The following LSP1 variants were observed in gnomAD, a reference collection of about 807,000 sequenced individuals.
LSP1 encodes lymphocyte specific protein 1.
Under a neutral mutation model 49.3 loss-of-function variants are expected in LSP1, and 32 were observed. The observed-to-expected ratio is 0.65, with a 90% confidence interval of 0.49 to 0.87. LSP1 has a LOEUF of 0.87. LSP1 is among the 40% of genes least tolerant of loss of function. The pLI is 0.00. For synonymous variants in LSP1, 179 were observed against 178.8 expected (o/e 1.00, Z -0.01); for missense variants, 428 against 442.6 (o/e 0.97, Z 0.30).
At chr11:1,882,598 C>T (rs1303040158) in intron 3 of LSP1, among the ~76,000 whole-genome samples, 2 of 152,110 alleles carry the variant, frequency 1.3e-5, no homozygotes, top group African/African-American at 2.4e-5. Context: ...CAGGCCTAGG[C>T]GGGCGAGGCT....
At chr11:1,877,039 A>G (rs1187837620) in intron 1 of LSP1, among the ~76,000 whole-genome samples, 1 of 152,196 alleles carries the variant, frequency 6.6e-6, no homozygotes, top group Non-Finnish European at 1.5e-5. Context: ...GTGCAGGAAC[A>G]CCAAATCCCT....
At chr11:1,889,478 G>T (rs1292832344) in intron 10 of LSP1, 1 of 619,416 alleles carries the variant, frequency 1.6e-6, no homozygotes, top group Non-Finnish European at 3.0e-6. Context: ...CTGTGGGGGT[G>T]GGCACCTCTG....
rs556007411 is a variant in LSP1, at chr11:1,858,505, G to A, written c.53+5308G>A. Among the ~76,000 whole-genome samples the A allele has an allele frequency of 4.9e-4, 75 of 152,242 alleles. 1 individual carries two copies. Among genetic ancestry groups the A allele is most frequent in the African/African-American group, 1.8e-3 (73 of 41,546 alleles). On this transcript the variant is annotated intron_variant, in intron 1 of 10. Coordinates refer to ENST00000311604, the MANE Select transcript of LSP1 (RefSeq NM_002339.3). ...CCCAGCCCTCAGCATCTTTTTGGGG[G>A]CCACTAAAGACCTTCTGGGAGATGG...
At chr11:1,867,015 C>T in intron 1 of LSP1, 1 of 1,183,548 alleles carries the variant, frequency 8.4e-7, no homozygotes, top group Non-Finnish European at 1.2e-6. Context: ...TGGGCCCAGG[C>T]TCAGGGCCAG....
chr11:1,870,780 C>G (rs993574455), intron 1 of LSP1: 3 of 989,690 alleles, frequency 3.0e-6, no homozygotes, highest in Non-Finnish European at 3.6e-6. Context: ...GCATGGCTAG[C>G]TGGGAAGGAA....
At chr11:1,856,986 G>T (rs1349559185) in intron 1 of LSP1, among the ~76,000 whole-genome samples, 3 of 152,212 alleles carry the variant, frequency 2.0e-5, no homozygotes, top group Non-Finnish European at 2.9e-5. Context: ...AAGCCCTGGG[G>T]CTCCCTCCCT....
chr11:1,878,430 G>T (rs1433910661), intron 1 of LSP1, among the ~76,000 whole-genome samples: 1 of 152,172 alleles, frequency 6.6e-6, no homozygotes. Flanking sequence ...CTCGGGGGCC[G>T]GGAGTTGAAG....
At chr11:1,858,981 C>T (rs542396264) in intron 1 of LSP1, among the ~76,000 whole-genome samples, 30 of 152,346 alleles carry the variant, frequency 2.0e-4, no homozygotes, top group African/African-American at 7.0e-4. Context: ...TGCCTCCAAG[C>T]TGCTTGTGGG....
In LSP1 at chr11:1,889,398, C is replaced by T. The variant is rs577250190; in HGVS notation, c.*13+1822C>T. 1,425 of 693,620 alleles carry T rather than the reference C, an allele frequency of 2.1e-3. 4 individuals are homozygous for T. Among genetic ancestry groups the T allele is most frequent in the Non-Finnish European group, 2.8e-3 (1,034 of 372,682 alleles). The allele number at this position is 693,620 out of a possible 1,614,324, so 43.0% of individuals were successfully genotyped here. ...CACGGCATCCCACATCCTGGAGGTC[C>T]GGGAGGCGGGGGCCCGGGGTGCGGT... On this transcript the variant is annotated intron_variant, in intron 10 of 10. Transcript: ENST00000311604.
At chr11:1,883,347 T>C (rs1848624961) in intron 3 of LSP1, 72 bp from the exon 4 acceptor site, 2 of 1,567,068 alleles carry the variant, frequency 1.3e-6, no homozygotes, top group Non-Finnish European at 1.7e-6. Context: ...AAACTGAGGC[T>C]TGGAAAAAGG....
At chr11:1,887,355 G>A in intron 9 of LSP1, 41 bp downstream of exon 9, 1 of 1,596,340 alleles carries the variant, frequency 6.3e-7, no homozygotes, top group Non-Finnish European at 8.6e-7. Context: ...GGTGGGTGCA[G>A]CAGGGGAGGG....
Position 1,883,512 on chromosome 11 carries a change from T to A in LSP1, c.450T>A (p.Thr150=), listed in dbSNP as rs1298453737. 6.2e-7 allele frequency: 1 copy of A among 1,613,850 alleles called. No homozygotes were observed. Among genetic ancestry groups the A allele is most frequent in the Admixed American group, 1.7e-5 (1 of 60,012 alleles). ...LSKEGPGPED[T]VQDNLGAAGA... ...AGGAGGGGCCAGGCCCAGAGGACAC[T>A]GTCCAGGACAACCTGGGGGCCGCAG... The change falls in exon 4 of 11, where the codon ACT becomes ACA. Residue 150 remains threonine (T), a synonymous_variant. Transcript: ENST00000311604.
At chr11:1,874,344 G>T (rs1371051299) in intron 1 of LSP1, among the ~76,000 whole-genome samples, 1 of 147,844 alleles carries the variant, frequency 6.8e-6, no homozygotes, top group Non-Finnish European at 1.5e-5. Context: ...GCAGGCTGGG[G>T]ACAGTGGGGG....
chr11:1,857,912 C>G (rs536851745), intron 1 of LSP1, among the ~76,000 whole-genome samples: 1 of 152,178 alleles, frequency 6.6e-6, no homozygotes, highest in Non-Finnish European at 1.5e-5. Flanking sequence ...CTGCCACTGC[C>G]CCCGGCTAAT....
At chr11:1,862,659 CT>C (rs1230402257) in intron 1 of LSP1, among the ~76,000 whole-genome samples, 3 of 152,092 alleles carry the variant, frequency 2.0e-5, no homozygotes, top group Non-Finnish European at 4.4e-5. Context: ...TTCCCTACCC[CT>C]GGTAATCTCA....
chr11:1,889,312 G>A (rs1489086009), intron 10 of LSP1: 8 of 706,364 alleles, frequency 1.1e-5, no homozygotes, highest in Middle Eastern at 2.3e-4. Context: ...GCTGGGGTGT[G>A]CTCCCCACCG....
chr11:1,882,654 T>C (rs1018768342), intron 3 of LSP1, among the ~76,000 whole-genome samples: 1 of 151,996 alleles, frequency 6.6e-6, no homozygotes, highest in Non-Finnish European at 1.5e-5. Flanking sequence ...GGAGCCCAGC[T>C]CTGCGGCCGC....
At chr11:1,889,302 G>A (rs1236144959) in intron 10 of LSP1, 3 of 704,358 alleles carry the variant, frequency 4.3e-6, no homozygotes, top group Non-Finnish European at 7.9e-6. Flanking sequence ...GGTGAGGCTG[G>A]CTGGGGTGTG....
intron 10 of LSP1, chr11:1,890,390 G>A (rs941420738): frequency 9.8e-6 from 7 of 716,950 alleles, no homozygotes; most frequent in Non-Finnish European, 1.8e-5. Context: ...CGGGGGACAG[G>A]GAGGTGCGGA....
Sources: gnomAD v4.1 joint callset for allele counts (sites outside exome capture counted in the v4.1 genomes callset) on GRCh38, gnomAD v4.1.1 for gene constraint, MANE v1.5 for transcripts, NCBI Gene and HGNC (gene_info 2026-07-23, HGNC 2026-07-21) for gene names.